Variants in CSMD1 observed in about 807,000 individuals in gnomAD.
The protein encoded by CSMD1 is CUB and Sushi multiple domains 1.
In CSMD1, 213 loss-of-function variants were observed where a neutral mutation model predicts 417.5. The ratio of observed to expected loss-of-function variants is 0.51; its 90% CI spans 0.46 to 0.57. CSMD1 has a LOEUF of 0.57. CSMD1 is among the 20% of genes least tolerant of loss of function. CSMD1 has a pLI of 0.00. For synonymous variants in CSMD1, 2,862 were observed against 1,736.8 expected (o/e 1.65, Z -16.11); for missense variants, 6,923 against 4,529.7 (o/e 1.53, Z -15.17).
intron 3 of CSMD1, among the ~76,000 whole-genome samples, chr8:4,110,936 C>G (rs1035683645): frequency 1.3e-5 from 2 of 152,084 alleles, no homozygotes; most frequent in Non-Finnish European, 2.9e-5. Context: ...AAGTACTCAG[C>G]TGATCAATTA....
intron 30 of CSMD1, among the ~76,000 whole-genome samples, chr8:3,211,726 T>C (rs1311956536): frequency 2.0e-5 from 3 of 152,200 alleles, no homozygotes; most frequent in Non-Finnish European, 4.4e-5. Context: ...GTGCTGCCGT[T>C]GGCTCACAAG....
At chr8:4,674,035 CAATA>C (rs1333578972) in intron 1 of CSMD1, among the ~76,000 whole-genome samples, 2 of 152,144 alleles carry the variant, frequency 1.3e-5, no homozygotes, top group Admixed American at 6.5e-5. Context: ...AAGTATATCT[CAATA>C]AAGCTATTAT....
rs536218736 is a variant in CSMD1, at chr8:4,213,723, T to C, written c.416-181624A>G. 1.6e-4 allele frequency among the ~76,000 whole-genome samples: 24 copies of C among 152,260 alleles called. No homozygotes were observed. The East Asian group carries it at 4.6e-3, about 29-fold the overall frequency. ...AGCCGTGGGCTCCTGTGTGATTTCC[T>C]GAAAGGGTGGGAATGGGGTAGAACA... On this transcript the variant is annotated intron_variant, in intron 3 of 69. Transcript: ENST00000635120.
At chr8:3,006,425 T>G (rs576004900) in intron 52 of CSMD1, among the ~76,000 whole-genome samples, 2 of 151,406 alleles carry the variant, frequency 1.3e-5, no homozygotes, top group East Asian at 3.9e-4. Context: ...AAAACTACTT[T>G]AAAGTTCATA....
At chr8:3,947,321 T>A (rs1811297452) in intron 5 of CSMD1, among the ~76,000 whole-genome samples, 2 of 152,194 alleles carry the variant, frequency 1.3e-5, no homozygotes, top group Admixed American at 6.5e-5. Flanking sequence ...CTGTTAAGAT[T>A]ATGAATTACA....
chr8:3,199,952 A>T (rs1796906456), intron 32 of CSMD1, 143 bp from the exon 33 acceptor site: 1 of 585,274 alleles, frequency 1.7e-6, no homozygotes, highest in Admixed American at 3.0e-5. Flanking sequence ...TTAAAACTCA[A>T]ATATGTTGTT....
In CSMD1 at chr8:2,950,346, G is replaced by A. The variant is rs1213906473; in HGVS notation, c.10202-3C>T. Reference sequence around the variant, plus strand: ...GGCCTCCTCCTTCTTGTAAATGCCTGTGAAAAGATCAGCAGTTTAGGCTTA... The same window carrying A: ...GGCCTCCTCCTTCTTGTAAATGCCTATGAAAAGATCAGCAGTTTAGGCTTA... On this transcript the variant is annotated splice_polypyrimidine_tract_variant and splice_region_variant and intron_variant, in intron 66 of 69. Coordinates refer to ENST00000635120, the MANE Select transcript of CSMD1 (RefSeq NM_033225.6). 1 of 1,585,700 alleles carries A rather than the reference G, an allele frequency of 6.3e-7. No homozygotes were observed. The highest frequency in any genetic ancestry group is 8.7e-7 in the Non-Finnish European group (1 of 1,154,226).
intron 1 of CSMD1, among the ~76,000 whole-genome samples, chr8:4,771,720 C>A (rs1018562833): frequency 3.3e-5 from 5 of 152,152 alleles, no homozygotes; most frequent in Admixed American, 6.5e-5. Context: ...GTCAGGCTAG[C>A]GGAGGGAGAA....
intron 3 of CSMD1, among the ~76,000 whole-genome samples, chr8:4,123,064 T>G (rs1393286083): frequency 1.3e-5 from 2 of 152,236 alleles, no homozygotes; most frequent in East Asian, 3.9e-4. Context: ...TATTAAAAGC[T>G]TTGATGCTTT....
chr8:3,167,273 G>A (rs189554794), intron 37 of CSMD1, among the ~76,000 whole-genome samples: 15 of 130,202 alleles, frequency 1.2e-4, no homozygotes, highest in Admixed American at 4.3e-4. Flanking sequence ...GACAGAGCAA[G>A]ACTCCAACTT....
intron 23 of CSMD1, among the ~76,000 whole-genome samples, chr8:3,326,070 T>C (rs1806510811): frequency 6.6e-6 from 1 of 152,172 alleles, no homozygotes; most frequent in Non-Finnish European, 1.5e-5. Flanking sequence ...AGACCCTTAT[T>C]AAACAAATCT....
chr8:4,907,585 G>C (rs1439779816), intron 1 of CSMD1, among the ~76,000 whole-genome samples: 1 of 151,954 alleles, frequency 6.6e-6, no homozygotes, highest in African/African-American at 2.4e-5. Flanking sequence ...TTTGAGACAG[G>C]TTTTCACTCT....
chr8:3,892,790 G>C (rs568289970), intron 5 of CSMD1, among the ~76,000 whole-genome samples: 8 of 142,856 alleles, frequency 5.6e-5, no homozygotes, highest in African/African-American at 1.3e-4. Context: ...AATTTGGACA[G>C]TCTTCTACGT....
chr8:4,904,462 T>C (rs1805104479), intron 1 of CSMD1, among the ~76,000 whole-genome samples: 1 of 152,126 alleles, frequency 6.6e-6, no homozygotes, highest in South Asian at 2.1e-4. Flanking sequence ...AGAGACATGT[T>C]CAAAGTCAAA....
intron 1 of CSMD1, among the ~76,000 whole-genome samples, chr8:4,732,818 G>A (rs769328515): frequency 2.0e-5 from 3 of 152,174 alleles, no homozygotes; most frequent in Non-Finnish European, 4.4e-5. Flanking sequence ...GGCAGTAAAT[G>A]AGCTTGGAAC....
intron 3 of CSMD1, among the ~76,000 whole-genome samples, chr8:4,104,508 G>A (rs1801467983): frequency 6.6e-6 from 1 of 152,144 alleles, no homozygotes; most frequent in Non-Finnish European, 1.5e-5. Flanking sequence ...TTCACGGATT[G>A]AGGCCCCACC....
chr8:3,739,172 G>C (rs1796672685), intron 6 of CSMD1, among the ~76,000 whole-genome samples: 1 of 152,258 alleles, frequency 6.6e-6, no homozygotes, highest in East Asian at 1.9e-4. Flanking sequence ...TAAAGTATCT[G>C]ATGCATGCCG....
At chr8:4,237,166 C>A (rs1585074640) in intron 3 of CSMD1, among the ~76,000 whole-genome samples, 1 of 152,180 alleles carries the variant, frequency 6.6e-6, no homozygotes, top group African/African-American at 2.4e-5. Flanking sequence ...TGAAACTCAT[C>A]AAGCTCCCTT....
At chr8:4,734,640 A>C (rs1810111261) in intron 1 of CSMD1, among the ~76,000 whole-genome samples, 1 of 152,182 alleles carries the variant, frequency 6.6e-6, no homozygotes, top group Non-Finnish European at 1.5e-5. Flanking sequence ...TACTGGAAAT[A>C]CTTTTTTTAT....
Sources: allele counts gnomAD v4.1 joint callset (sites outside exome capture counted in the v4.1 genomes callset), GRCh38; gene constraint gnomAD v4.1.1; transcripts MANE v1.5; gene names NCBI Gene and HGNC (gene_info 2026-07-23, HGNC 2026-07-21).